Variants in COL5A2 observed in about 807,000 individuals in gnomAD.
COL5A2 encodes the protein collagen type V alpha 2 chain.
COL5A2 carries 23 observed loss-of-function variants against 208.2 expected under a neutral mutation model. That is an observed-to-expected ratio of 0.11 (90% CI 0.08 to 0.16). The LOEUF (loss-of-function observed/expected upper bound fraction) is 0.16, where lower values mean the gene tolerates loss of function less well. Among genes scored for constraint, COL5A2 ranks in the 10% least tolerant of loss-of-function variants. The pLI is 1.00. For synonymous variants in COL5A2, 625 were observed against 628.5 expected (o/e 0.99, Z 0.08); for missense variants, 1,590 against 1,956.4 (o/e 0.81, Z 3.53).
At position 189,045,174 on chromosome 2, in the gene COL5A2, C is replaced by A; in HGVS notation, c.3363+5G>T. The A allele has an allele frequency of 2.5e-6, 4 of 1,597,932 alleles. No homozygotes were observed. The South Asian group carries it at 3.4e-5, about 14-fold the overall frequency. On this transcript the variant is annotated splice_donor_5th_base_variant and intron_variant, in intron 47 of 53. Transcript: ENST00000374866. Reference sequence around the variant, plus strand: ...TTTTTTAAAAAACAAAAAAAGAGAACTTACAGGTAATCCACGTTTCCCAGC... The same window carrying A: ...TTTTTTAAAAAACAAAAAAAGAGAAATTACAGGTAATCCACGTTTCCCAGC...
At chr2:189,085,131 T>G (rs201299651) in intron 11 of COL5A2, 29 bp downstream of exon 11, 1 of 1,601,248 alleles carries the variant, frequency 6.2e-7, no homozygotes, top group African/African-American at 1.3e-5. Flanking sequence ...CTTCAAAACC[T>G]GAATGGAAAA....
At chr2:189,249,679 A>G in the COL5A2 span, among the ~76,000 whole-genome samples, 7 of 152,254 alleles carry the variant, frequency 4.6e-5, no homozygotes, top group Admixed American at 2.6e-4. Flanking sequence ...AGGCCAGTGT[A>G]GTTATCTGTG....
At chr2:189,434,434 T>C in the COL5A2 span, among the ~76,000 whole-genome samples, 15 of 152,148 alleles carry the variant, frequency 9.9e-5, no homozygotes, top group African/African-American at 2.9e-4. Context: ...GAAAACCCCA[T>C]TGTCTCAGCC....
At chr2:189,337,187 CT>C in the COL5A2 span, among the ~76,000 whole-genome samples, 5,276 of 129,808 alleles carry the variant, frequency 0.041, 91 homozygotes, top group Admixed American at 0.055. Flanking sequence ...TTTTTTTTTT[CT>C]TTTTTTTTTT....
chr2:189,355,329 T>A, the COL5A2 span, among the ~76,000 whole-genome samples: 3 of 152,198 alleles, frequency 2.0e-5, no homozygotes, highest in African/African-American at 7.2e-5. Flanking sequence ...AAGTCCTGAA[T>A]ATCCTTGTTA....
chr2:189,395,911 A>T, the COL5A2 span, among the ~76,000 whole-genome samples: 889 of 149,630 alleles, frequency 5.9e-3, 12 homozygotes, highest in African/African-American at 0.021. Flanking sequence ...AAAAAAAAAA[A>T]AAAAAAAAAA....
At chr2:189,159,852 C>T in intron 1 of COL5A2, among the ~76,000 whole-genome samples, 1 of 151,840 alleles carries the variant, frequency 6.6e-6, no homozygotes, top group East Asian at 1.9e-4. Context: ...TGCACTCCAG[C>T]CTGGGTGGCA....
chr2:189,392,512 C>T, the COL5A2 span, among the ~76,000 whole-genome samples: 2 of 152,122 alleles, frequency 1.3e-5, no homozygotes, highest in Non-Finnish European at 2.9e-5. Flanking sequence ...TTCCTTTCTT[C>T]TTCCTTTAAC....
At chr2:189,194,760 G>C (rs1256189662) in intron 1 of COL5A2, among the ~76,000 whole-genome samples, 1 of 152,138 alleles carries the variant, frequency 6.6e-6, no homozygotes, top group African/African-American at 2.4e-5. Flanking sequence ...TTATTATTTT[G>C]AGATAAGTTC....
chr2:189,247,993 C>T, the COL5A2 span, among the ~76,000 whole-genome samples: 98 of 152,320 alleles, frequency 6.4e-4, no homozygotes, highest in African/African-American at 2.2e-3. Flanking sequence ...AAAGTCAATA[C>T]ATGTTCTAAT....
intron 1 of COL5A2, among the ~76,000 whole-genome samples, chr2:189,138,115 C>T (rs1687860461): frequency 6.6e-6 from 1 of 152,084 alleles, no homozygotes; most frequent in Admixed American, 6.5e-5. Context: ...GCTGGGATTA[C>T]AGGTGCATGC....
At chr2:189,068,915 A>G in intron 18 of COL5A2, 31 bp from the exon 19 acceptor site, 1 of 1,450,538 alleles carries the variant, frequency 6.9e-7, no homozygotes. Context: ...ATGTTAATTT[A>G]AGAAAAATAC....
At chr2:189,125,668 A>C (rs1454675000) in intron 1 of COL5A2, among the ~76,000 whole-genome samples, 1 of 152,138 alleles carries the variant, frequency 6.6e-6, no homozygotes, top group Admixed American at 6.6e-5. Flanking sequence ...TTATTGTAAG[A>C]ATACAGTATA....
chr2:189,153,172 T>G (rs1187034949), intron 1 of COL5A2, among the ~76,000 whole-genome samples: 1 of 152,204 alleles, frequency 6.6e-6, no homozygotes. Flanking sequence ...CAACATTACA[T>G]GCAATTCTCA....
At chr2:189,208,523 A>G (rs982292481) in intron 1 of COL5A2, among the ~76,000 whole-genome samples, 2 of 152,228 alleles carry the variant, frequency 1.3e-5, no homozygotes, top group Admixed American at 1.3e-4. Flanking sequence ...AGAATGAAAC[A>G]AGAACTGCAG....
chr2:189,299,440 T>A, the COL5A2 span, among the ~76,000 whole-genome samples: 1 of 152,310 alleles, frequency 6.6e-6, no homozygotes, highest in Admixed American at 6.5e-5. Flanking sequence ...GTGGCTCAAA[T>A]GCTAACTAAC....
chr2:189,198,251 A>C (rs1274456536), intron 1 of COL5A2, among the ~76,000 whole-genome samples: 1 of 152,238 alleles, frequency 6.6e-6, no homozygotes, highest in Non-Finnish European at 1.5e-5. Context: ...ATAAATATAA[A>C]GATGTATAAA....
chr2:189,303,686 A>G, the COL5A2 span, among the ~76,000 whole-genome samples: 1 of 152,210 alleles, frequency 6.6e-6, no homozygotes, highest in African/African-American at 2.4e-5. Flanking sequence ...GTGTTGGCCA[A>G]TCCCAGCAGC....
the COL5A2 span, among the ~76,000 whole-genome samples, chr2:189,393,985 G>A: frequency 3.9e-5 from 6 of 151,964 alleles, no homozygotes; most frequent in African/African-American, 1.2e-4. Flanking sequence ...CCCATCTGTT[G>A]TAGGCCATTT....
Sources: allele counts gnomAD v4.1 joint callset (sites outside exome capture counted in the v4.1 genomes callset), GRCh38; gene constraint gnomAD v4.1.1; transcripts MANE v1.5; gene names NCBI Gene and HGNC (gene_info 2026-07-23, HGNC 2026-07-21).